GPC6: variants seen among roughly 807,000 people sequenced by gnomAD.
The protein encoded by GPC6 is glypican 6, also known as glypican-6.
In GPC6, 14 loss-of-function variants were observed where a neutral mutation model predicts 55.2. The ratio of observed to expected loss-of-function variants is 0.25; its 90% CI spans 0.17 to 0.40. GPC6 has a LOEUF of 0.40. Among genes scored for constraint, GPC6 ranks in the 10% least tolerant of loss-of-function variants. The pLI is 1.00. For missense variants in GPC6, 641 were observed against 708.5 expected (o/e 0.90, Z 1.08); for synonymous variants, 278 against 259.6 (o/e 1.07, Z -0.68).
At chr13:93,631,144 A>G (rs1464677823) in intron 2 of GPC6, among the ~76,000 whole-genome samples, 4 of 152,070 alleles carry the variant, frequency 2.6e-5, no homozygotes, top group African/African-American at 9.7e-5. Flanking sequence ...TAAGGAGGGG[A>G]GGGTTTACTG....
chr13:93,218,325 C>T, the GPC6 span, among the ~76,000 whole-genome samples: 22 of 152,028 alleles, frequency 1.4e-4, no homozygotes, highest in Admixed American at 2.0e-4. Context: ...TTATATGAAG[C>T]TAAATACAAT....
At chr13:93,893,346 G>A (rs7350665) in intron 3 of GPC6, among the ~76,000 whole-genome samples, 8,231 of 152,090 alleles carry the variant, frequency 0.054, 308 homozygotes, top group Admixed American at 0.11. Context: ...ATGATCCACC[G>A]CTCCCGGCCA....
At chr13:94,284,665 C>G (rs17175217) in intron 4 of GPC6, among the ~76,000 whole-genome samples, 5,235 of 151,886 alleles carry the variant, frequency 0.034, 216 homozygotes, top group East Asian at 0.19. Flanking sequence ...GTTATTTTAT[C>G]TAGATGTTTC....
At position 93,493,929 on chromosome 13, in the gene GPC6, T is replaced by G. The variant is rs7986854; in HGVS notation, c.161-51334T>G. ...CTGTTCTTTTACATTTGCTGAGGAG[T>G]GCTTTACTTCCAACTCTGTGGTCAA... On this transcript the variant is annotated intron_variant, in intron 1 of 8. Transcript: ENST00000377047. 1.2e-4 allele frequency among the ~76,000 whole-genome samples: 11 copies of G among 91,882 alleles called. 3 individuals are homozygous for G. The highest frequency in any genetic ancestry group is 4.4e-4 in the African/African-American group (11 of 24,944). 60.3% of individuals were successfully genotyped at this position (91,882 alleles called of 152,430 possible).
At chr13:94,173,945 G>A (rs937219259) in intron 4 of GPC6, among the ~76,000 whole-genome samples, 2 of 152,164 alleles carry the variant, frequency 1.3e-5, no homozygotes, top group Non-Finnish European at 2.9e-5. Flanking sequence ...AAAGGAAGCA[G>A]GCTTAATCTT....
chr13:94,341,778 A>G (rs1878051897), intron 6 of GPC6, among the ~76,000 whole-genome samples: 1 of 152,250 alleles, frequency 6.6e-6, no homozygotes, highest in Non-Finnish European at 1.5e-5. Context: ...TTACAGTGAC[A>G]TATGATTTCC....
intron 3 of GPC6, among the ~76,000 whole-genome samples, chr13:93,950,056 AT>A (rs1487421515): frequency 2.6e-5 from 4 of 152,186 alleles, no homozygotes; most frequent in African/African-American, 9.7e-5. Context: ...TTCTGTCTGG[AT>A]GATGAAATTT....
At chr13:93,529,510 C>CTTTTTTTT (rs1165594323) in intron 1 of GPC6, among the ~76,000 whole-genome samples, 9 of 85,178 alleles carry the variant, frequency 1.1e-4, no homozygotes, top group African/African-American at 1.5e-4. Context: ...CTCTGAGATT[C>CTTTTTTTT]TTTTTTTTTT....
intron 1 of GPC6, chr13:93,395,331 TC>T: frequency 2.1e-6 from 1 of 474,320 alleles, no homozygotes; most frequent in Non-Finnish European, 4.0e-6. Context: ...GACAGGGTTT[TC>T]CCAACTTCAC....
At chr13:94,003,465 G>A (rs547861025) in intron 3 of GPC6, among the ~76,000 whole-genome samples, 1 of 152,184 alleles carries the variant, frequency 6.6e-6, no homozygotes, top group Non-Finnish European at 1.5e-5. Flanking sequence ...AGGGAGGATT[G>A]AGAGAGGTGT....
intron 1 of GPC6, among the ~76,000 whole-genome samples, chr13:93,491,592 G>T (rs1212752897): frequency 6.9e-6 from 1 of 144,570 alleles, no homozygotes; most frequent in Non-Finnish European, 1.5e-5. Context: ...TGAAGTCCTT[G>T]CCCACGCCTG....
At chr13:94,345,195 T>C (rs916024542) in intron 6 of GPC6, among the ~76,000 whole-genome samples, 1 of 152,198 alleles carries the variant, frequency 6.6e-6, no homozygotes, top group African/African-American at 2.4e-5. Flanking sequence ...ATTTCAAATT[T>C]GTCAGACTAT....
chr13:93,930,124 G>A (rs1878083961), intron 3 of GPC6, among the ~76,000 whole-genome samples: 2 of 152,038 alleles, frequency 1.3e-5, no homozygotes, highest in Non-Finnish European at 1.5e-5. Flanking sequence ...ATTCATTTGG[G>A]AAAGTTCCTA....
intron 1 of GPC6, among the ~76,000 whole-genome samples, chr13:93,230,355 A>C (rs1350943299): frequency 1.3e-5 from 2 of 152,178 alleles, no homozygotes; most frequent in Non-Finnish European, 2.9e-5. Flanking sequence ...CAGATGAGGA[A>C]GTATCACAGG....
intron 1 of GPC6, among the ~76,000 whole-genome samples, chr13:93,532,397 C>T (rs907079135): frequency 1.3e-5 from 2 of 151,914 alleles, no homozygotes; most frequent in South Asian, 2.1e-4. Flanking sequence ...GTTGAGACAG[C>T]GCTTTAAAAT....
chr13:93,313,625 A>G (rs573460286), intron 1 of GPC6, among the ~76,000 whole-genome samples: 1 of 152,224 alleles, frequency 6.6e-6, no homozygotes, highest in African/African-American at 2.4e-5. Context: ...TACCCTCTAT[A>G]CATTTTCCAT....
Position 93,883,836 on chromosome 13 carries a change from C to T in GPC6, c.711+53291C>T, listed in dbSNP as rs1875150907. On this transcript the variant is annotated intron_variant, in intron 3 of 8. Transcript: ENST00000377047. ...CTATGAATAACTGAATATCTAAATT[C>T]ATTACGCATCAATTATTTATTAATT... Among the ~76,000 whole-genome samples the T allele has an allele frequency of 2.6e-5, 4 of 152,058 alleles. No individual in the cohort carries two copies. The South Asian group carries it at 8.3e-4, about 32-fold the overall frequency.
At chr13:94,038,742 G>T (rs1883425511) in intron 4 of GPC6, among the ~76,000 whole-genome samples, 1 of 151,890 alleles carries the variant, frequency 6.6e-6, no homozygotes, top group African/African-American at 2.4e-5. Context: ...GGGCTCCTGT[G>T]CAGGTGAATA....
intron 1 of GPC6, among the ~76,000 whole-genome samples, chr13:93,344,239 T>A (rs1880358316): frequency 6.6e-6 from 1 of 152,192 alleles, no homozygotes; most frequent in Non-Finnish European, 1.5e-5. Context: ...CTCTTTGTTT[T>A]CTGAGTGGAA....
Sources: allele counts gnomAD v4.1 joint callset (sites outside exome capture counted in the v4.1 genomes callset), GRCh38; gene constraint gnomAD v4.1.1; transcripts MANE v1.5; gene names NCBI Gene and HGNC (gene_info 2026-07-23, HGNC 2026-07-21).